The following LRRTM4 variants were observed in gnomAD, a reference collection of about 807,000 sequenced individuals.
The protein encoded by LRRTM4 is leucine rich repeat transmembrane neuronal 4.
In LRRTM4, 25 loss-of-function variants were observed where a neutral mutation model predicts 47.6. That is an observed-to-expected ratio of 0.53 (90% confidence interval 0.38 to 0.73). The LOEUF is 0.73. Ranked by LOEUF, LRRTM4 falls within the 30% of genes least tolerant of loss-of-function variation. The probability of loss-of-function intolerance (pLI) is 0.00; values close to 1 mark genes in which losing one functional copy is unlikely to be tolerated. For missense variants in LRRTM4, 638 were observed against 713.4 expected (o/e 0.89, Z 1.20); for synonymous variants, 311 against 269.5 (o/e 1.15, Z -1.51).
chr2:77,449,428 T>C (rs895675555), intron 3 of LRRTM4, among the ~76,000 whole-genome samples: 5 of 152,200 alleles, frequency 3.3e-5, no homozygotes, highest in Non-Finnish European at 7.3e-5. Flanking sequence ...TGGATATGTG[T>C]CATTTTTGTT....
intron 3 of LRRTM4, among the ~76,000 whole-genome samples, chr2:77,086,730 G>C (rs1053721646): frequency 1.3e-5 from 2 of 151,974 alleles, no homozygotes; most frequent in African/African-American, 4.8e-5. Context: ...CCTGACCTCA[G>C]GTAATCCGGC....
At chr2:76,880,467 T>C (rs781671341) in intron 3 of LRRTM4, among the ~76,000 whole-genome samples, 17 of 152,126 alleles carry the variant, frequency 1.1e-4, no homozygotes, top group Non-Finnish European at 2.1e-4. Context: ...CATACTACTA[T>C]TATGTACTTG....
intron 3 of LRRTM4, among the ~76,000 whole-genome samples, chr2:77,112,284 A>C (rs1427544250): frequency 2.6e-5 from 4 of 152,158 alleles, no homozygotes; most frequent in South Asian, 2.1e-4. Context: ...TTTTCTTTCA[A>C]GTGGAATTTA....
At chr2:77,132,276 G>A (rs1036719244) in intron 3 of LRRTM4, among the ~76,000 whole-genome samples, 1 of 151,974 alleles carries the variant, frequency 6.6e-6, no homozygotes, top group Non-Finnish European at 1.5e-5. Context: ...ATTTCACTTA[G>A]CATACTGACT....
chr2:77,472,897 A>T (rs1004952377), intron 3 of LRRTM4, among the ~76,000 whole-genome samples: 8 of 152,196 alleles, frequency 5.3e-5, no homozygotes, highest in Non-Finnish European at 1.2e-4. Flanking sequence ...TCAGGTATAT[A>T]TAATTCTAAG....
intron 3 of LRRTM4, among the ~76,000 whole-genome samples, chr2:77,470,167 CAG>C (rs1677132302): frequency 6.6e-6 from 1 of 151,998 alleles, no homozygotes; most frequent in Admixed American, 6.6e-5. Flanking sequence ...TGCGTAATAC[CAG>C]GCAGATAAGC....
intron 3 of LRRTM4, among the ~76,000 whole-genome samples, chr2:77,234,988 C>T (rs1004867234): frequency 6.6e-6 from 1 of 152,108 alleles, no homozygotes; most frequent in East Asian, 1.9e-4. Flanking sequence ...CAGTATTTAG[C>T]TTTCCATTAT....
chr2:77,231,120 G>C (rs1021955282), intron 3 of LRRTM4, among the ~76,000 whole-genome samples: 4 of 151,976 alleles, frequency 2.6e-5, no homozygotes, highest in African/African-American at 9.7e-5. Flanking sequence ...AATTTTATCT[G>C]GCAAGTTTAA....
intron 3 of LRRTM4, among the ~76,000 whole-genome samples, chr2:77,482,569 AT>A (rs756408956): frequency 1.8e-4 from 28 of 152,312 alleles, no homozygotes; most frequent in Non-Finnish European, 3.2e-4. Flanking sequence ...CACAAAAGAA[AT>A]TTATTAAAAG....
At chr2:76,864,570 T>C (rs1401332973) in intron 3 of LRRTM4, among the ~76,000 whole-genome samples, 1 of 151,724 alleles carries the variant, frequency 6.6e-6, no homozygotes, top group Non-Finnish European at 1.5e-5. Flanking sequence ...GGCAGGGGAA[T>C]TGCTTGAATG....
intron 3 of LRRTM4, among the ~76,000 whole-genome samples, chr2:76,847,218 T>G (rs1032928899): frequency 1.3e-5 from 2 of 151,546 alleles, no homozygotes; most frequent in African/African-American, 4.9e-5. Flanking sequence ...TTGTTCCCAC[T>G]CTCAACATAT....
chr2:77,031,169 T>A lies in LRRTM4; in HGVS notation c.1552-282253A>T, dbSNP rs75844082. On this transcript the variant is annotated intron_variant, in intron 3 of 3. Transcript: ENST00000409884. Reference sequence around the variant, plus strand: ...ATATAGCAAAATATCTATTTCTACATTTGCCATTTATTTTAACTATTGTTT... The same window carrying A: ...ATATAGCAAAATATCTATTTCTACAATTGCCATTTATTTTAACTATTGTTT... Among the ~76,000 whole-genome samples, 1,505 of 152,318 alleles carry A rather than the reference T, an allele frequency of 9.9e-3. 29 individuals carry two copies. The highest frequency in any genetic ancestry group is 0.034 in the African/African-American group (1,398 of 41,578).
At chr2:76,797,650 A>G (rs1675418240) in intron 3 of LRRTM4, among the ~76,000 whole-genome samples, 1 of 151,646 alleles carries the variant, frequency 6.6e-6, no homozygotes, top group Non-Finnish European at 1.5e-5. Context: ...TAAATGCTCC[A>G]ATTAAAAGAC....
At chr2:76,767,748 C>A (rs752148407) in intron 3 of LRRTM4, among the ~76,000 whole-genome samples, 1 of 152,200 alleles carries the variant, frequency 6.6e-6, no homozygotes, top group East Asian at 1.9e-4. Flanking sequence ...CCCTTTTTCT[C>A]TTCCTTTGTT....
chr2:77,344,417 G>T (rs1341858495), intron 3 of LRRTM4, among the ~76,000 whole-genome samples: 1 of 151,696 alleles, frequency 6.6e-6, no homozygotes, highest in African/African-American at 2.4e-5. Flanking sequence ...AAACAATAGT[G>T]TGACCTTCAT....
chr2:77,183,070 C>G (rs906484253), intron 3 of LRRTM4, among the ~76,000 whole-genome samples: 362 of 152,200 alleles, frequency 2.4e-3, no homozygotes, highest in Non-Finnish European at 4.2e-3. Context: ...CAACAAAAGC[C>G]AAAATTGACA....
chr2:77,164,431 A>G (rs2103817133), intron 3 of LRRTM4, among the ~76,000 whole-genome samples: 1 of 152,306 alleles, frequency 6.6e-6, no homozygotes, highest in East Asian at 1.9e-4. Flanking sequence ...ATACCCAGGA[A>G]TTGAATTCAG....
At chr2:76,936,858 G>A (rs1394488539) in intron 3 of LRRTM4, among the ~76,000 whole-genome samples, 1 of 146,628 alleles carries the variant, frequency 6.8e-6, no homozygotes. Flanking sequence ...GGAGGCTGAG[G>A]CAGGGAGAAT....
intron 3 of LRRTM4, among the ~76,000 whole-genome samples, chr2:76,872,335 A>T (rs1672646671): frequency 6.6e-6 from 1 of 152,148 alleles, no homozygotes; most frequent in South Asian, 2.1e-4. Flanking sequence ...TGGAGTGAAT[A>T]AGAAAAGAAA....
Sources: gnomAD v4.1 joint callset for allele counts (sites outside exome capture counted in the v4.1 genomes callset) on GRCh38, gnomAD v4.1.1 for gene constraint, MANE v1.5 for transcripts, NCBI Gene and HGNC (gene_info 2026-07-23, HGNC 2026-07-21) for gene names.